ARHGAP15: variants seen among roughly 807,000 people sequenced by gnomAD.
The protein encoded by ARHGAP15 is Rho GTPase activating protein 15.
A neutral mutation model predicts 63.7 loss-of-function variants in ARHGAP15; 51 were observed. That is an observed-to-expected ratio of 0.80 (90% CI 0.64 to 1.01). The LOEUF (loss-of-function observed/expected upper bound fraction) is 1.01, where lower values mean the gene tolerates loss of function less well. Among genes scored for constraint, ARHGAP15 ranks in the 50% least tolerant of loss-of-function variants. ARHGAP15 has a pLI of 0.00. For synonymous variants in ARHGAP15, 191 were observed against 193.8 expected, an observed-to-expected ratio of 0.99 and a Z score of 0.12; for missense variants, 560 against 564.6, an observed-to-expected ratio of 0.99 and a Z score of 0.08.
intron 13 of ARHGAP15, among the ~76,000 whole-genome samples, chr2:143,743,202 T>C (rs1404363902): frequency 2.0e-5 from 3 of 152,178 alleles, no homozygotes; most frequent in African/African-American, 7.2e-5. Flanking sequence ...TTTCACTATG[T>C]CACTGGGCAA....
rs536146816 is a variant in ARHGAP15 at position 143,687,666 on chromosome 2, TC to T, written c.1139-15750del. On this transcript the variant is annotated intron_variant, in intron 12 of 13. Transcript: ENST00000295095. Reference sequence around the variant, plus strand: ...TAGAGGAAAGTCTAGCACACAATTTTCCCTGAAGTGATTTGATCTGTGCAAA... The same window carrying T: ...TAGAGGAAAGTCTAGCACACAATTTTCCTGAAGTGATTTGATCTGTGCAAA... Among the ~76,000 whole-genome samples, 630 of 152,310 alleles carry T rather than the reference TC, an allele frequency of 4.1e-3. 6 individuals are homozygous for T. The highest frequency in any genetic ancestry group is 0.015 in the African/African-American group (604 of 41,562).
At chr2:143,518,573 T>C (rs1282511086) in intron 9 of ARHGAP15, among the ~76,000 whole-genome samples, 1 of 152,258 alleles carries the variant, frequency 6.6e-6, no homozygotes, top group Non-Finnish European at 1.5e-5. Context: ...AACCTAATGA[T>C]GTGAAACCAT....
chr2:143,279,261 A>T (rs1417826490), intron 6 of ARHGAP15, among the ~76,000 whole-genome samples: 1 of 152,128 alleles, frequency 6.6e-6, no homozygotes, highest in African/African-American at 2.4e-5. Flanking sequence ...TGTGGATTTT[A>T]ATTCATCATG....
chr2:143,465,646 G>GA (rs1200513584), intron 8 of ARHGAP15, among the ~76,000 whole-genome samples: 1 of 151,566 alleles, frequency 6.6e-6, no homozygotes, highest in African/African-American at 2.4e-5. Context: ...TATATTACAT[G>GA]AAAAAAGCAT....
chr2:143,237,594 T>C (rs1350504099), intron 5 of ARHGAP15: 1 of 152,148 alleles, frequency 6.6e-6, no homozygotes, highest in Non-Finnish European at 1.5e-5. Context: ...AACATCTGTT[T>C]AGTGTCACAC....
At chr2:143,171,533 G>C (rs1159451325) in intron 2 of ARHGAP15, among the ~76,000 whole-genome samples, 1 of 152,066 alleles carries the variant, frequency 6.6e-6, no homozygotes. Flanking sequence ...GCAGGCTGGG[G>C]ATTTAATTTT....
At chr2:143,229,030 T>A (rs1041566830) in intron 5 of ARHGAP15, among the ~76,000 whole-genome samples, 2 of 152,166 alleles carry the variant, frequency 1.3e-5, no homozygotes, top group African/African-American at 4.8e-5. Flanking sequence ...TGTTATAAAA[T>A]GCATTAGTAA....
chr2:143,470,118 G>A (rs4129947), intron 8 of ARHGAP15, among the ~76,000 whole-genome samples: 10,328 of 151,858 alleles, frequency 0.068, 532 homozygotes, highest in East Asian at 0.21. Context: ...GACTTAGAAT[G>A]ATTTCAGTAT....
intron 6 of ARHGAP15, among the ~76,000 whole-genome samples, chr2:143,355,288 T>C (rs1685758876): frequency 6.6e-6 from 1 of 152,166 alleles, no homozygotes; most frequent in South Asian, 2.1e-4. Context: ...TCAAGAAAAC[T>C]GAAAAGACAG....
intron 9 of ARHGAP15, among the ~76,000 whole-genome samples, chr2:143,502,781 T>C (rs1693125235): frequency 1.3e-5 from 2 of 152,144 alleles, no homozygotes; most frequent in Admixed American, 6.5e-5. Context: ...GGTTTCACCA[T>C]GTTGGCCAGG....
At chr2:143,646,044 C>T (rs1680858965) in intron 12 of ARHGAP15, among the ~76,000 whole-genome samples, 1 of 152,042 alleles carries the variant, frequency 6.6e-6, no homozygotes, top group South Asian at 2.1e-4. Flanking sequence ...ATTTCTTCAG[C>T]ACGCACTAAT....
At chr2:143,346,739 A>G (rs1203030260) in intron 6 of ARHGAP15, among the ~76,000 whole-genome samples, 1 of 152,132 alleles carries the variant, frequency 6.6e-6, no homozygotes, top group African/African-American at 2.4e-5. Flanking sequence ...GTTTGTTTCA[A>G]TTTGAGAGGT....
chr2:143,304,096 A>T (rs946823147), intron 6 of ARHGAP15, among the ~76,000 whole-genome samples: 5 of 152,172 alleles, frequency 3.3e-5, no homozygotes, highest in African/African-American at 1.2e-4. Flanking sequence ...CAGCCATCTC[A>T]TTACTGGATA....
At chr2:143,199,697 G>A (rs539773329) in intron 2 of ARHGAP15, among the ~76,000 whole-genome samples, 40 of 152,014 alleles carry the variant, frequency 2.6e-4, no homozygotes, top group Non-Finnish European at 5.1e-4. Flanking sequence ...ACTCCTAACT[G>A]CAAGGTAGGC....
At chr2:143,223,431 T>G (rs1693077746) in intron 4 of ARHGAP15, among the ~76,000 whole-genome samples, 1 of 152,194 alleles carries the variant, frequency 6.6e-6, no homozygotes, top group Non-Finnish European at 1.5e-5. Context: ...AGATATTTCC[T>G]GAACTGTGTG....
intron 11 of ARHGAP15, among the ~76,000 whole-genome samples, chr2:143,570,913 C>A (rs1696421124): frequency 6.6e-6 from 1 of 152,232 alleles, no homozygotes; most frequent in East Asian, 1.9e-4. Flanking sequence ...GGTTTCCAGC[C>A]CCCCAGCCAG....
intron 2 of ARHGAP15, among the ~76,000 whole-genome samples, chr2:143,173,483 A>C (rs2105053273): frequency 6.6e-6 from 1 of 152,216 alleles, no homozygotes; most frequent in Non-Finnish European, 1.5e-5. Context: ...AACATCAGAA[A>C]GGATAGGAAA....
chr2:143,578,428 G>A (rs1401983737), intron 11 of ARHGAP15, among the ~76,000 whole-genome samples: 1 of 152,200 alleles, frequency 6.6e-6, no homozygotes, highest in Non-Finnish European at 1.5e-5. Context: ...GAATAATGAT[G>A]TGGAATTATG....
chr2:143,164,048 C>T (rs76659840), intron 2 of ARHGAP15, among the ~76,000 whole-genome samples: 1 of 152,012 alleles, frequency 6.6e-6, no homozygotes. Flanking sequence ...TAATACACTT[C>T]CCCAGAGTTT....
Sources: gnomAD v4.1 joint callset for allele counts (sites outside exome capture counted in the v4.1 genomes callset) on GRCh38, gnomAD v4.1.1 for gene constraint, MANE v1.5 for transcripts, NCBI Gene and HGNC (gene_info 2026-07-23, HGNC 2026-07-21) for gene names.